The following GRIP1 variants were observed in gnomAD, a reference collection of about 807,000 sequenced individuals.
The protein encoded by GRIP1 is glutamate receptor interacting protein 1, also known as glutamate receptor-interacting protein 1.
Under a neutral mutation model 129.9 loss-of-function variants are expected in GRIP1, and 45 were observed. The observed-to-expected ratio is 0.35, with a 90% CI of 0.27 to 0.44. The LOEUF (loss-of-function observed/expected upper bound fraction) is 0.44. Ranked by LOEUF, GRIP1 falls within the 20% of genes least tolerant of loss-of-function variation. The pLI is 1.00. For synonymous variants in GRIP1, 530 were observed against 520.8 expected, an observed-to-expected ratio of 1.02 and a Z score of -0.24; for missense variants, 1,196 against 1,396.8, an observed-to-expected ratio of 0.86 and a Z score of 2.29.
At chr12:66,691,337 G>C (rs1026875600) in intron 1 of GRIP1, among the ~76,000 whole-genome samples, 3 of 152,132 alleles carry the variant, frequency 2.0e-5, no homozygotes, top group Admixed American at 2.0e-4. Flanking sequence ...TTTGTGCTTA[G>C]GCTGAATAAG....
chr12:66,726,654 G>T (rs1479984258), intron 1 of GRIP1, among the ~76,000 whole-genome samples: 1 of 152,190 alleles, frequency 6.6e-6, no homozygotes, highest in East Asian at 1.9e-4. Flanking sequence ...AGCCTGTCAT[G>T]CAGTTGTAAT....
chr12:66,852,494 G>GTA lies in GRIP1; in HGVS notation c.58+216554_58+216555dup, dbSNP rs2039930418. On this transcript the variant is annotated intron_variant, in intron 1 of 1. Transcript: ENST00000643019. ...ATGATTAGACACACTAACAAAGTGT[G>GTA]TATATATACACACATATATATGTGT... is the stretch of plus-strand genomic sequence containing the variant. Among the ~76,000 whole-genome samples the GTA allele has an allele frequency of 2.0e-5, 3 of 150,770 alleles. No homozygotes were observed. The South Asian group carries it at 6.3e-4, about 31-fold the overall frequency.
chr12:66,558,608 G>A (rs1416693509), intron 2 of GRIP1, among the ~76,000 whole-genome samples: 4 of 152,040 alleles, frequency 2.6e-5, no homozygotes, highest in African/African-American at 4.8e-5. Flanking sequence ...TAAATAAAAT[G>A]TACCAAGATT....
chr12:66,457,466 G>A (rs1241453153), intron 9 of GRIP1, among the ~76,000 whole-genome samples: 2 of 151,920 alleles, frequency 1.3e-5, no homozygotes, highest in Non-Finnish European at 2.9e-5. Context: ...TAGAAATGAG[G>A]GTCTGCCTAT....
At chr12:66,684,734 A>G (rs959524209) in intron 1 of GRIP1, among the ~76,000 whole-genome samples, 1 of 152,084 alleles carries the variant, frequency 6.6e-6, no homozygotes, top group African/African-American at 2.4e-5. Context: ...AATCCCAGCT[A>G]CTCAGGAGGC....
chr12:66,377,279 T>G lies in GRIP1; in HGVS notation c.2628A>C (p.Ala876=), dbSNP rs1592721710. ...DWDRSTASGF[A]GAADSAETEQ... ...CTGTCTCTGCACTATCGGCAGCCCC[T>G]GCAAAACTGTTGTCAAGAAACACAG... Residue 876 remains alanine (A), a synonymous_variant, in exon 21 of 25, where the codon GCA becomes GCC. Coordinates refer to ENST00000359742, the MANE Select transcript of GRIP1 (RefSeq NM_001366722.1). The G allele has an allele frequency of 1.2e-6, 2 of 1,603,314 alleles. No homozygotes were observed. The highest frequency in any genetic ancestry group is 2.7e-5 in the African/African-American group (2 of 74,648).
intron 1 of GRIP1, among the ~76,000 whole-genome samples, chr12:66,815,850 T>TCTCTCTCTCTC (rs1555241792): frequency 3.1e-5 from 2 of 65,492 alleles, no homozygotes; most frequent in Admixed American, 1.9e-4. Context: ...CTTTCTTTCT[T>TCTCTCTCTCTC]TCTTTCTCTC....
At chr12:66,451,023 G>A (rs1320320440) in intron 11 of GRIP1, among the ~76,000 whole-genome samples, 1 of 152,112 alleles carries the variant, frequency 6.6e-6, no homozygotes, top group Non-Finnish European at 1.5e-5. Flanking sequence ...GCAAGCTACC[G>A]GCTTTGGCTG....
At chr12:66,901,243 TG>T (rs1362167240) in intron 1 of GRIP1, among the ~76,000 whole-genome samples, 1 of 152,168 alleles carries the variant, frequency 6.6e-6, no homozygotes, top group African/African-American at 2.4e-5. Flanking sequence ...AAAGAAAGAA[TG>T]AAACCAGTAA....
At chr12:66,817,679 C>T (rs1194432772) in intron 1 of GRIP1, among the ~76,000 whole-genome samples, 1 of 152,136 alleles carries the variant, frequency 6.6e-6, no homozygotes, top group Non-Finnish European at 1.5e-5. Flanking sequence ...TCCCAAAGTA[C>T]TGAGATTACA....
At chr12:66,401,717 C>T (rs555580834) in intron 16 of GRIP1, among the ~76,000 whole-genome samples, 4 of 151,166 alleles carry the variant, frequency 2.6e-5, no homozygotes, top group Non-Finnish European at 5.9e-5. Flanking sequence ...TGGACATTTA[C>T]AGATGAGGAA....
intron 1 of GRIP1, among the ~76,000 whole-genome samples, chr12:66,618,950 G>A (rs998265890): frequency 1.1e-4 from 16 of 152,042 alleles, no homozygotes; most frequent in African/African-American, 1.9e-4. Context: ...TGAGAAATTC[G>A]AACTCGTATT....
At chr12:66,671,328 G>T (rs954065341) in intron 1 of GRIP1, among the ~76,000 whole-genome samples, 2 of 152,078 alleles carry the variant, frequency 1.3e-5, no homozygotes, top group African/African-American at 2.4e-5. Context: ...CTAGCTGGCT[G>T]CCATCTGTCT....
intron 1 of GRIP1, among the ~76,000 whole-genome samples, chr12:66,745,877 C>T (rs115638475): frequency 1.3e-3 from 194 of 152,264 alleles, no homozygotes; most frequent in African/African-American, 4.5e-3. Context: ...GCGGCAAAGC[C>T]AGGTCACTGA....
chr12:66,665,711 A>G (rs2033756975), intron 1 of GRIP1, among the ~76,000 whole-genome samples: 2 of 152,188 alleles, frequency 1.3e-5, no homozygotes, highest in African/African-American at 4.8e-5. Context: ...TTGTGCTATT[A>G]CAAACAGTGC....
chr12:66,610,310 T>C (rs942523858), intron 1 of GRIP1, among the ~76,000 whole-genome samples: 1 of 152,144 alleles, frequency 6.6e-6, no homozygotes, highest in Non-Finnish European at 1.5e-5. Flanking sequence ...TTAACAGATG[T>C]AGACATCTAC....
chr12:66,361,693 C>T (rs2054778281), intron 23 of GRIP1, among the ~76,000 whole-genome samples: 1 of 152,188 alleles, frequency 6.6e-6, no homozygotes, highest in Admixed American at 6.5e-5. Context: ...GGTGTCTTTG[C>T]TCAGGCCTGC....
At chr12:66,949,434 T>C (rs1418098944) in intron 1 of GRIP1, among the ~76,000 whole-genome samples, 2 of 152,186 alleles carry the variant, frequency 1.3e-5, no homozygotes, top group African/African-American at 4.8e-5. Flanking sequence ...TCCGATAGCC[T>C]GCATGATGTG....
intron 15 of GRIP1, among the ~76,000 whole-genome samples, chr12:66,410,767 T>C (rs2137716723): frequency 1.3e-5 from 2 of 152,146 alleles, no homozygotes; most frequent in South Asian, 4.1e-4. Flanking sequence ...GAGAGAGGGA[T>C]GGGGTAGAAA....
Sources: allele counts gnomAD v4.1 joint callset (sites outside exome capture counted in the v4.1 genomes callset), GRCh38; gene constraint gnomAD v4.1.1; transcripts MANE v1.5; gene names NCBI Gene and HGNC (gene_info 2026-07-23, HGNC 2026-07-21).